The following CHID1 variants were observed in gnomAD, a reference collection of about 807,000 sequenced individuals.
CHID1 encodes chitinase domain-containing protein 1.
CHID1 carries 44 observed loss-of-function variants against 55.4 expected under a neutral mutation model. The observed-to-expected ratio is 0.79, with a 90% confidence interval of 0.62 to 1.02. The LOEUF is 1.02. Among genes scored for constraint, CHID1 ranks in the 50% least tolerant of loss-of-function variants. The pLI is 0.00. For synonymous variants in CHID1, 216 were observed against 212.9 expected (o/e 1.01, Z -0.13); for missense variants, 491 against 515.3 (o/e 0.95, Z 0.46).
In CHID1 at chr11:869,949, T is replaced by G; in HGVS notation, c.1091A>C (p.Gln364Pro). 1 of 1,612,726 alleles carries G rather than the reference T, an allele frequency of 6.2e-7. No homozygotes were observed. The highest frequency in any genetic ancestry group is 8.5e-7 in the Non-Finnish European group (1 of 1,179,852). Reference sequence around the variant, plus strand: ...CTCCCGGGCCAGCTCCAGCCGCACCTGCAGGGACTGGGCACAGATGGAGGT... The same window carrying G: ...CTCCCGGGCCAGCTCCAGCCGCACCGGCAGGGACTGGGCACAGATGGAGGT... ...VVFYPTLKSL[Q>P]VRLELARELG... is the part of the protein sequence containing the mutation. The change falls in exon 13 of 13, where the codon CAG becomes CCG. Residue 364 changes from glutamine to proline, a missense_variant. Coordinates refer to ENST00000323578, the MANE Select transcript of CHID1 (RefSeq NM_023947.4).
At position 883,246 on chromosome 11, in the gene CHID1, C is replaced by CG; in HGVS notation, c.860dup (p.Lys288GlufsTer27). 6.2e-7 allele frequency: 1 copy of CG among 1,614,136 alleles called. No individual in the cohort carries two copies. The highest frequency in any genetic ancestry group is 8.5e-7 in the Non-Finnish European group (1 of 1,179,994). On this transcript the variant is annotated frameshift_variant, in exon 10 of 13. Transcript: ENST00000323578. LOFTEE classifies it high-confidence loss of function. ...GGATTTTGCTTCGCCACTTGGACTT[C>CG]GGGTCCAGGACCTGGACGCAGGCTC...
At chr11:879,624 G>A (rs928590182) in intron 10 of CHID1, among the ~76,000 whole-genome samples, 3 of 148,756 alleles carry the variant, frequency 2.0e-5, no homozygotes, top group Non-Finnish European at 4.5e-5. Context: ...CAGCCCCCAG[G>A]ACTGAGACGA....
At chr11:911,272 C>T (rs185713208), upstream of CHID1, 2 of 152,174 alleles carry the variant, frequency 1.3e-5, no homozygotes, top group African/African-American at 4.8e-5. Context: ...CCATCTCCAT[C>T]CCCAGGCCGA....
At chr11:879,978 C>T (rs945387461) in intron 10 of CHID1, among the ~76,000 whole-genome samples, 1 of 152,186 alleles carries the variant, frequency 6.6e-6, no homozygotes, top group African/African-American at 2.4e-5. Flanking sequence ...AAAGGAGGGC[C>T]ATGGTGGGGG....
intron 4 of CHID1, among the ~76,000 whole-genome samples, chr11:901,450 A>G (rs1029090877): frequency 6.6e-6 from 1 of 152,108 alleles, no homozygotes; most frequent in Non-Finnish European, 1.5e-5. Flanking sequence ...TTCCCCTGCC[A>G]TTTCTCTCTG....
chr11:887,651 G>A (rs1265361512), intron 8 of CHID1, among the ~76,000 whole-genome samples: 1 of 152,164 alleles, frequency 6.6e-6, no homozygotes, highest in South Asian at 2.1e-4. Context: ...CTTCTACTCT[G>A]CAGGGGCCTG....
intron 8 of CHID1, among the ~76,000 whole-genome samples, chr11:888,106 T>A (rs760762269): frequency 6.6e-6 from 1 of 152,226 alleles, no homozygotes; most frequent in Non-Finnish European, 1.5e-5. Flanking sequence ...ACAGCTTGCA[T>A]TTTCCCTTCG....
intron 10 of CHID1, among the ~76,000 whole-genome samples, chr11:873,462 ACAGT>A (rs778479122): frequency 6.6e-6 from 1 of 152,130 alleles, no homozygotes; most frequent in Non-Finnish European, 1.5e-5. Flanking sequence ...GGCACCAGCC[ACAGT>A]GAGTGGGGAG....
At chr11:903,535 C>A (rs1851980325) in intron 2 of CHID1, 2 of 218,352 alleles carry the variant, frequency 9.2e-6, no homozygotes, top group South Asian at 1.2e-4. Flanking sequence ...AATCCCAGAA[C>A]TTTGGGAGGC....
intron 7 of CHID1, among the ~76,000 whole-genome samples, chr11:895,942 G>A (rs1220857928): frequency 6.6e-6 from 1 of 152,006 alleles, no homozygotes; most frequent in Non-Finnish European, 1.5e-5. Context: ...GCCTGGACAC[G>A]AGGTGCTCGC....
At chr11:870,193 C>A in intron 11 of CHID1, 30 bp from the exon 12 acceptor site, 1 of 1,613,120 alleles carries the variant, frequency 6.2e-7, no homozygotes, top group Non-Finnish European at 8.5e-7. Flanking sequence ...TCAGCCCATC[C>A]GCTCTGCTGG....
At chr11:887,968 C>T (rs911030419) in intron 8 of CHID1, among the ~76,000 whole-genome samples, 1 of 152,246 alleles carries the variant, frequency 6.6e-6, no homozygotes, top group Non-Finnish European at 1.5e-5. Context: ...ACCACGAATG[C>T]TCCCCATGCG....
At chr11:910,370 CGA>C in intron 1 of CHID1, among the ~76,000 whole-genome samples, 1 of 152,250 alleles carries the variant, frequency 6.6e-6, no homozygotes, top group Admixed American at 6.5e-5. Context: ...CTCTGCCACA[CGA>C]GCCGCGCGCT....
Position 900,024 on chromosome 11 carries a change from T to A in CHID1, c.526A>T (p.Thr176Ser), listed in dbSNP as rs749130873. 1.9e-6 allele frequency: 3 copies of A among 1,613,946 alleles called. No homozygotes were observed. The highest frequency in any genetic ancestry group is 2.5e-6 in the Non-Finnish European group (3 of 1,179,864). ...SEDEIEELSK[T>S]VVQVAKNQHF... ...CTCACCTTTGCCACCTGGACCACGG[T>A]CTTGCTCAGCTCCTCTATCTCATCC... is the stretch of plus-strand genomic sequence containing the variant. Residue 176 changes from threonine (T) to serine (S), a missense_variant, in exon 6 of 13, where the codon ACC becomes TCC. Physicochemically the swap from Thr to Ser is moderately conservative, Grantham distance 58. Coordinates refer to ENST00000323578, the MANE Select transcript of CHID1 (RefSeq NM_023947.4).
chr11:914,154 A>G (rs533808480), upstream of CHID1: 3 of 158,948 alleles, frequency 1.9e-5, no homozygotes, highest in Non-Finnish European at 4.2e-5. Context: ...ACAGGTTAAT[A>G]AATTGGGTTT....
chr11:879,620 C>T (rs2134150178), intron 10 of CHID1, among the ~76,000 whole-genome samples: 1 of 142,724 alleles, frequency 7.0e-6, no homozygotes, highest in Non-Finnish European at 1.5e-5. Flanking sequence ...CCTCCAGCCC[C>T]CAGGACTGAG....
intron 8 of CHID1, among the ~76,000 whole-genome samples, chr11:887,402 A>G (rs918749977): frequency 2.6e-5 from 4 of 152,242 alleles, no homozygotes; most frequent in African/African-American, 9.6e-5. Flanking sequence ...GCTCTTGGTC[A>G]GTGGTGTGGG....
intron 7 of CHID1, among the ~76,000 whole-genome samples, chr11:898,723 A>G (rs960123444): frequency 1.3e-5 from 2 of 151,636 alleles, no homozygotes; most frequent in African/African-American, 2.4e-5. Context: ...ACTTCCTATC[A>G]CTCCCTCCGT....
chr11:902,544 C>T (rs1469367321), intron 3 of CHID1, among the ~76,000 whole-genome samples: 1 of 152,238 alleles, frequency 6.6e-6, no homozygotes, highest in African/African-American at 2.4e-5. Flanking sequence ...TCCCTTTCAC[C>T]AAAAGTGACT....
Sources: allele counts gnomAD v4.1 joint callset (sites outside exome capture counted in the v4.1 genomes callset), GRCh38; gene constraint gnomAD v4.1.1; transcripts MANE v1.5; gene names NCBI Gene and HGNC (gene_info 2026-07-23, HGNC 2026-07-21).